The following ALDH1A3 variants were observed in gnomAD, a reference collection of about 807,000 sequenced individuals.
The protein encoded by ALDH1A3 is retinaldehyde dehydrogenase 3.
In ALDH1A3, 28 loss-of-function variants were observed where a neutral mutation model predicts 57.5. The observed-to-expected ratio is 0.49, with a 90% CI of 0.36 to 0.67. The LOEUF is 0.67. ALDH1A3 is among the 30% of genes least tolerant of loss of function. The pLI, the probability that ALDH1A3 is intolerant of heterozygous loss-of-function variation, is 0.00. For synonymous variants in ALDH1A3, 281 were observed against 264.8 expected, an observed-to-expected ratio of 1.06 and a Z score of -0.59; for missense variants, 507 against 669.4, an observed-to-expected ratio of 0.76 and a Z score of 2.68.
rs113686214 is a variant in ALDH1A3, at chr15:100,892,630, A to G, written c.466A>G (p.Ile156Val). 2.8e-5 allele frequency: 45 copies of G among 1,611,328 alleles called. No individual in the cohort carries two copies. In the African/African-American group the frequency reaches 4.5e-4, roughly 16 times the overall value. The change falls in exon 4 of 13, where the codon ATC becomes GTC. Residue 156 changes from isoleucine to valine, a missense_variant. By Grantham distance (29) the Ile-to-Val change is conservative (BLOSUM62 3). Around this residue, in one of 2 missense-constraint regions of ALDH1A3, gnomAD observed 432 missense variants for 608.4 expected, o/e 0.71. Transcript: ENST00000329841. Reference protein sequence around the residue: ...GWADKIQGKTIPTDDNVVCFT... With the variant: ...GWADKIQGKTVPTDDNVVCFT... ...GGCAGACAAAATCCAGGGCAAGACC[A>G]TCCCCACAGGTGAGCAAGGTGGATT...
chr15:100,883,432 G>A (rs2041564495), intron 1 of ALDH1A3, among the ~76,000 whole-genome samples: 1 of 152,198 alleles, frequency 6.6e-6, no homozygotes, highest in Non-Finnish European at 1.5e-5. Context: ...TTTTCCTGGT[G>A]CGCTTCCCTG....
intron 9 of ALDH1A3, among the ~76,000 whole-genome samples, chr15:100,901,457 A>C (rs907487598): frequency 3.3e-5 from 5 of 152,136 alleles, no homozygotes; most frequent in Admixed American, 1.3e-4. Context: ...CCCAGCCATG[A>C]AATTTCAAGT....
chr15:100,911,457 C>A (rs2041883186), intron 12 of ALDH1A3, among the ~76,000 whole-genome samples: 1 of 152,252 alleles, frequency 6.6e-6, no homozygotes, highest in African/African-American at 2.4e-5. Context: ...CCCTCCCTGA[C>A]CTTCAGTCCC....
intron 7 of ALDH1A3, among the ~76,000 whole-genome samples, chr15:100,897,081 C>T (rs954747052): frequency 3.9e-5 from 6 of 152,164 alleles, no homozygotes; most frequent in Non-Finnish European, 7.3e-5. Context: ...AAAAAAACAC[C>T]CGCTGCAATC....
Position 100,902,913 on chromosome 15 carries a change from G to A in ALDH1A3, c.1068+2154G>A, listed in dbSNP as rs4646679. Among the ~76,000 whole-genome samples the A allele has an allele frequency of 6.8e-4, 103 of 152,334 alleles. No homozygotes were observed. The East Asian group carries it at 0.015, about 22-fold the overall frequency. On this transcript the variant is annotated intron_variant, in intron 9 of 12. Coordinates refer to ENST00000329841, the MANE Select transcript of ALDH1A3 (RefSeq NM_000693.4). ...TGCCCAGCAGCCAGGGAGGACCTGC[G>A]GTTGGGCGAAGCCCCTGTGTCCCTT... is the stretch of plus-strand genomic sequence containing the variant.
chr15:100,904,779 G>A lies in ALDH1A3; in HGVS notation c.1069-744G>A, dbSNP rs28538652. Among the ~76,000 whole-genome samples, 456 of 152,286 alleles carry A rather than the reference G, an allele frequency of 3.0e-3. 4 individuals carry two copies. Among genetic ancestry groups the A allele is most frequent in the African/African-American group, 1.0e-2 (414 of 41,554 alleles). On this transcript the variant is annotated intron_variant, in intron 9 of 12. Coordinates refer to ENST00000329841, the MANE Select transcript of ALDH1A3 (RefSeq NM_000693.4). The stretch of plus-strand genomic sequence containing the variant: ...CAGGGCAAACTCCAGCCAAGGAGAC[G>A]TCTAGACAAGATAGCAAAAGGGAGA...
Position 100,892,656 on chromosome 15 carries a change from A to G in ALDH1A3, c.475+17A>G. 6.3e-7 allele frequency: 1 copy of G among 1,595,796 alleles called. No homozygotes were observed. Reference sequence around the variant, plus strand: ...TCCCCACAGGTGAGCAAGGTGGATTATAGCTTCATTTGGGATCCCTTTGGG... The same window carrying G: ...TCCCCACAGGTGAGCAAGGTGGATTGTAGCTTCATTTGGGATCCCTTTGGG... On this transcript the variant is annotated intron_variant, in intron 4 of 12. Coordinates refer to ENST00000329841, the MANE Select transcript of ALDH1A3 (RefSeq NM_000693.4).
In ALDH1A3 at chr15:100,887,527, C is replaced by A; in HGVS notation, c.205-45C>A. The A allele has an allele frequency of 6.7e-7, 1 of 1,488,308 alleles. No homozygotes were observed. Among genetic ancestry groups the A allele is most frequent in the South Asian group, 1.4e-5 (1 of 72,384 alleles). 92.2% of individuals were successfully genotyped at this position (1,488,308 alleles called of 1,614,324 possible). On this transcript the variant is annotated intron_variant, in intron 2 of 12. Transcript: ENST00000329841. This position sits in a 1 kb window ranked among gnomAD's most constrained non-coding sequence, Gnocchi z 4.6. ...CAAAAGATGACACCCAAACTGCAGT[C>A]ACGTCAAAAGATGACAGTCTCTCTC...
At chr15:100,907,624 TG>T (rs2041835316) in intron 11 of ALDH1A3, among the ~76,000 whole-genome samples, 1 of 152,182 alleles carries the variant, frequency 6.6e-6, no homozygotes. Flanking sequence ...CATGCCCATC[TG>T]CAAAATGTGG....
chr15:100,879,868 G>T lies in ALDH1A3; in HGVS notation c.-40G>T. On this transcript the variant is annotated 5_prime_UTR_variant, in exon 1 of 13. Coordinates refer to ENST00000329841, the MANE Select transcript of ALDH1A3 (RefSeq NM_000693.4). ...AGTGTCCGGGCCGAGCCGGTGCGCC[G>T]CAGACTAGGGCGCCTCGGGCCAGGG... 7.6e-7 allele frequency: 1 copy of T among 1,313,202 alleles called. No individual in the cohort carries two copies. The highest frequency in any genetic ancestry group is 9.8e-7 in the Non-Finnish European group (1 of 1,020,926). 81.3% of individuals were successfully genotyped at this position (1,313,202 alleles called of 1,614,324 possible). A position where few individuals can be genotyped will look rare whatever the true frequency, so the allele number is the denominator to read the frequency against.
intron 9 of ALDH1A3, among the ~76,000 whole-genome samples, chr15:100,902,859 A>C (rs566656503): frequency 3.3e-5 from 5 of 152,352 alleles, no homozygotes; most frequent in African/African-American, 9.6e-5. Context: ...CACTGCCTGC[A>C]GGACAAACAG....
At position 100,914,839 on chromosome 15, in the gene ALDH1A3, GA is replaced by G; in HGVS notation, c.*73del. 4 of 1,489,326 alleles carry G rather than the reference GA, an allele frequency of 2.7e-6. No homozygotes were observed. The highest frequency in any genetic ancestry group is 2.8e-6 in the Non-Finnish European group (3 of 1,077,378). 92.3% of individuals were successfully genotyped at this position (1,489,326 alleles called of 1,614,324 possible). On this transcript the variant is annotated 3_prime_UTR_variant, in exon 13 of 13. Transcript: ENST00000329841. The stretch of plus-strand genomic sequence containing the variant: ...ATGTGGCAGATGAAATGTGCTGGAG[GA>G]AAAAAATGACATTTCTGACCTTCCC...
intron 10 of ALDH1A3, among the ~76,000 whole-genome samples, chr15:100,905,937 T>A (rs537135832): frequency 6.6e-6 from 1 of 152,304 alleles, no homozygotes; most frequent in African/African-American, 2.4e-5. Context: ...CTAGCTAGTT[T>A]TCACTCATGG....
chr15:100,885,062 G>C (rs928423101), intron 1 of ALDH1A3, among the ~76,000 whole-genome samples: 1 of 152,036 alleles, frequency 6.6e-6, no homozygotes, highest in Non-Finnish European at 1.5e-5. Context: ...CTTGAATTTC[G>C]AGTCTGTCCT....
At chr15:100,909,053 G>T (rs1039676159) in intron 12 of ALDH1A3, among the ~76,000 whole-genome samples, 5 of 150,008 alleles carry the variant, frequency 3.3e-5, no homozygotes, top group Non-Finnish European at 7.4e-5. Flanking sequence ...CCATGCGCGT[G>T]CAAACCCACT....
rs28377287 is a variant in ALDH1A3 at position 100,890,102 on chromosome 15, C to T, written c.345+2390C>T. On this transcript the variant is annotated intron_variant, in intron 3 of 12. Coordinates refer to ENST00000329841, the MANE Select transcript of ALDH1A3 (RefSeq NM_000693.4). ...CCAGGCCCCAACTCTGCTCTTTGGG[C>T]GCTCATTTTGGGAGCTCCCAAACGG... 7.0e-3 allele frequency among the ~76,000 whole-genome samples: 1,068 copies of T among 152,280 alleles called. 12 individuals are homozygous for T. The highest frequency in any genetic ancestry group is 0.022 in the East Asian group (114 of 5,178).
In ALDH1A3 at chr15:100,913,568, C is replaced by T. The variant is rs1314844530; in HGVS notation, c.1467-1133C>T. On this transcript the variant is annotated intron_variant, in intron 12 of 12. Transcript: ENST00000329841. ...TTACACTGGGTCTGCCTGGATGATC[C>T]AGGAGAGTCTCCCTCTTTTAAAGTC... 2.0e-5 allele frequency: 3 copies of T among 152,356 alleles called. No individual in the cohort carries two copies. The East Asian group carries it at 5.8e-4, about 29-fold the overall frequency. The allele number at this position is 152,356 out of a possible 1,614,324, so 9.4% of individuals were successfully genotyped here. A position where few individuals can be genotyped will look rare whatever the true frequency, so the allele number is the denominator to read the frequency against.
At position 100,907,247 on chromosome 15, in the gene ALDH1A3, T is replaced by C. The variant is rs1468719286; in HGVS notation, c.1360T>C (p.Leu454=). 4 of 1,614,138 alleles carry C rather than the reference T, an allele frequency of 2.5e-6. No individual in the cohort carries two copies. The highest frequency in any genetic ancestry group is 2.7e-5 in the African/African-American group (2 of 74,952). ...FTKNLDKALK[L]ASALESGTVW... Reference sequence around the variant, plus strand: ...AAAAAATCTCGACAAAGCCCTGAAGTTGGCTTCTGCCTTAGAGTCTGGAAC... The same window carrying C: ...AAAAAATCTCGACAAAGCCCTGAAGCTGGCTTCTGCCTTAGAGTCTGGAAC... The change falls in exon 11 of 13, where the codon TTG becomes CTG. Residue 454 remains leucine (L), a synonymous_variant. Coordinates refer to ENST00000329841, the MANE Select transcript of ALDH1A3 (RefSeq NM_000693.4).
chr15:100,882,667 T>C (rs1026813498), intron 1 of ALDH1A3, among the ~76,000 whole-genome samples: 1 of 152,200 alleles, frequency 6.6e-6, no homozygotes, highest in East Asian at 1.9e-4. Flanking sequence ...TTTTGTAAAA[T>C]GTGAACCAGG....
Sources: gnomAD v4.1 joint callset for allele counts (sites outside exome capture counted in the v4.1 genomes callset) on GRCh38, gnomAD v4.1.1 for gene constraint, gnomAD v4.1.1 regional missense constraint, Gnocchi (gnomAD v3.1) non-coding constraint, MANE v1.5 for transcripts, NCBI Gene and HGNC (gene_info 2026-07-23, HGNC 2026-07-21) for gene names.